Variants in DCAF10 observed in about 807,000 individuals in gnomAD.
The protein encoded by DCAF10 is DDB1 and CUL4 associated factor 10.
Under a neutral mutation model 51.9 loss-of-function variants are expected in DCAF10, and 19 were observed. That is an observed-to-expected ratio of 0.37 (90% CI 0.26 to 0.54). The LOEUF is 0.54. DCAF10 is among the 20% of genes least tolerant of loss of function. The pLI, the probability that DCAF10 is intolerant of heterozygous loss-of-function variation, is 0.87. For missense variants in DCAF10, 510 were observed against 730.6 expected (o/e 0.70, Z 3.48); for synonymous variants, 291 against 297.1 (o/e 0.98, Z 0.21).
chr9:37,861,679 C>T lies in DCAF10; in HGVS notation c.*171C>T. ...TAGTACTTGGTCATCCAGCATCATACAGGCATCTCCAAGTTAGACTCTATG... is the reference window on the plus strand; with the variant it reads ...TAGTACTTGGTCATCCAGCATCATATAGGCATCTCCAAGTTAGACTCTATG... On this transcript the variant is annotated 3_prime_UTR_variant, in exon 7 of 7. Coordinates refer to ENST00000377724, the MANE Select transcript of DCAF10 (RefSeq NM_024345.5). This position sits in a 1 kb window ranked among gnomAD's most constrained non-coding sequence, Gnocchi z 4.9. The T allele has an allele frequency of 1.2e-6, 1 of 858,214 alleles. No individual in the cohort carries two copies. The highest frequency in any genetic ancestry group is 1.7e-6 in the Non-Finnish European group (1 of 577,242). The allele number at this position is 858,214 out of a possible 1,614,324, so 53.2% of individuals were successfully genotyped here. A position where few individuals can be genotyped will look rare whatever the true frequency, so the allele number is the denominator to read the frequency against.
intron 3 of DCAF10, among the ~76,000 whole-genome samples, chr9:37,847,883 T>C (rs1830525040): frequency 6.6e-6 from 1 of 152,126 alleles, no homozygotes; most frequent in African/African-American, 2.4e-5. Flanking sequence ...GAAAATAATT[T>C]AATTCACAAT....
intron 3 of DCAF10, among the ~76,000 whole-genome samples, chr9:37,853,762 T>C (rs1830764212): frequency 6.6e-6 from 1 of 151,938 alleles, no homozygotes; most frequent in Non-Finnish European, 1.5e-5. Flanking sequence ...AGAGACAGGG[T>C]CTTGCTATGT....
chr9:37,848,231 A>C (rs1220044853), intron 3 of DCAF10, among the ~76,000 whole-genome samples: 1 of 152,242 alleles, frequency 6.6e-6, no homozygotes, highest in African/African-American at 2.4e-5. Context: ...TATCTATTCA[A>C]GAGAAATGAA....
chr9:37,802,115 T>C (rs992500068), intron 1 of DCAF10, among the ~76,000 whole-genome samples: 1 of 152,180 alleles, frequency 6.6e-6, no homozygotes, highest in African/African-American at 2.4e-5. Context: ...ACATAGTTAA[T>C]GTAATTCTTA....
At chr9:37,841,856 T>G (rs1830345992) in intron 2 of DCAF10, among the ~76,000 whole-genome samples, 1 of 152,204 alleles carries the variant, frequency 6.6e-6, no homozygotes. Context: ...AATCAGTAAT[T>G]TAAAGCAAAT....
chr9:37,834,719 A>G (rs1830100961), intron 2 of DCAF10, among the ~76,000 whole-genome samples: 2 of 152,140 alleles, frequency 1.3e-5, no homozygotes, highest in African/African-American at 4.8e-5. Context: ...GAATATGCTC[A>G]ATTTATTTTA....
intron 3 of DCAF10, among the ~76,000 whole-genome samples, chr9:37,850,854 ATATATATATATATATATATATATATAT>A (rs1830622749): frequency 9.4e-6 from 1 of 106,136 alleles, no homozygotes; most frequent in Non-Finnish European, 1.8e-5. Context: ...ATATATATAT[ATATATATATATATATATATATATATAT>A]AAATTAGCTT....
chr9:37,800,770 G>A (rs1288285796), upstream of DCAF10: 2 of 1,527,182 alleles, frequency 1.3e-6, no homozygotes, highest in East Asian at 2.5e-5. Flanking sequence ...AGCCGGTGGG[G>A]TTAGGCCGCT....
chr9:37,808,429 ATATATAT>A (rs979823415), intron 1 of DCAF10, among the ~76,000 whole-genome samples: 3 of 138,940 alleles, frequency 2.2e-5, no homozygotes, highest in African/African-American at 8.1e-5. Context: ...CAAGAAAAAT[ATATATAT>A]TATATTATGT....
At chr9:37,802,607 A>G (rs1395395054) in intron 1 of DCAF10, among the ~76,000 whole-genome samples, 3 of 152,190 alleles carry the variant, frequency 2.0e-5, no homozygotes, top group African/African-American at 7.2e-5. Flanking sequence ...TTGCTAAGGA[A>G]GGAGCAAAGG....
chr9:37,811,971 G>A (rs1422636418), intron 1 of DCAF10, among the ~76,000 whole-genome samples: 1 of 152,154 alleles, frequency 6.6e-6, no homozygotes, highest in Non-Finnish European at 1.5e-5. Context: ...TGGATCTCTT[G>A]AGCTCAGGAG....
chr9:37,800,844 A>G lies in DCAF10; in HGVS notation c.-23A>G, dbSNP rs1828896492. ...GTCGGCCGGCGGGGCAGTGGCCCGG[A>G]GCGGGGGGCGGGGGCGTTGATCATG... On this transcript the variant is annotated 5_prime_UTR_variant, in exon 1 of 7. Coordinates refer to ENST00000377724, the MANE Select transcript of DCAF10 (RefSeq NM_024345.5). 6.7e-7 allele frequency: 1 copy of G among 1,485,702 alleles called. No homozygotes were observed. Among genetic ancestry groups the G allele is most frequent in the South Asian group, 1.3e-5 (1 of 75,188 alleles). 92.0% of individuals were successfully genotyped at this position (1,485,702 alleles called of 1,614,324 possible).
At chr9:37,807,492 T>C (rs1182782243) in intron 1 of DCAF10, among the ~76,000 whole-genome samples, 4 of 152,108 alleles carry the variant, frequency 2.6e-5, no homozygotes, top group Non-Finnish European at 5.9e-5. Context: ...TTTCCAAAAA[T>C]TAATAAATGA....
intron 2 of DCAF10, among the ~76,000 whole-genome samples, chr9:37,823,084 A>C (rs913219990): frequency 2.6e-5 from 4 of 152,244 alleles, no homozygotes; most frequent in Admixed American, 2.6e-4. Context: ...ATAGCACTTA[A>C]AATTCACACA....
intron 3 of DCAF10, among the ~76,000 whole-genome samples, chr9:37,843,720 A>C (rs1830398352): frequency 6.6e-6 from 1 of 152,238 alleles, no homozygotes; most frequent in Non-Finnish European, 1.5e-5. Flanking sequence ...TACAAAATAA[A>C]TTTCCTTAAT....
chr9:37,823,311 A>T (rs1037590388), intron 2 of DCAF10, among the ~76,000 whole-genome samples: 1 of 152,230 alleles, frequency 6.6e-6, no homozygotes, highest in Non-Finnish European at 1.5e-5. Context: ...GCATCTAGAC[A>T]GGTTGTGGTG....
At chr9:37,814,495 A>G (rs28529078) in intron 1 of DCAF10, among the ~76,000 whole-genome samples, 28,776 of 150,532 alleles carry the variant, frequency 0.19, 3,139 homozygotes, top group African/African-American at 0.29. Context: ...TGCCAGGCTG[A>G]TCTCAAATTC....
At chr9:37,825,162 C>G (rs1051128390) in intron 2 of DCAF10, among the ~76,000 whole-genome samples, 2 of 152,118 alleles carry the variant, frequency 1.3e-5, no homozygotes, top group Admixed American at 1.3e-4. Flanking sequence ...ATTAGTTCAG[C>G]CATTGTGGAA....
rs1831023943 is a variant in DCAF10, at chr9:37,861,723, C to G, written c.*215C>G. On this transcript the variant is annotated 3_prime_UTR_variant, in exon 7 of 7. Coordinates refer to ENST00000377724, the MANE Select transcript of DCAF10 (RefSeq NM_024345.5). This position sits in a 1 kb window ranked among gnomAD's most constrained non-coding sequence, Gnocchi z 4.9. ...CTCTATGCAGCATCATCTTTTGCAGCATTCCTCTGCTCCTGCTGATCTGTG... is the reference window on the plus strand; with the variant it reads ...CTCTATGCAGCATCATCTTTTGCAGGATTCCTCTGCTCCTGCTGATCTGTG... 1.8e-6 allele frequency: 1 copy of G among 557,258 alleles called. No individual in the cohort carries two copies. Among genetic ancestry groups the G allele is most frequent in the Non-Finnish European group, 3.0e-6 (1 of 329,258 alleles). The allele number at this position is 557,258 out of a possible 1,614,324, so 34.5% of individuals were successfully genotyped here.
Sources: allele counts gnomAD v4.1 joint callset (sites outside exome capture counted in the v4.1 genomes callset), GRCh38; gene constraint gnomAD v4.1.1; non-coding constraint Gnocchi (gnomAD v3.1); transcripts MANE v1.5; gene names NCBI Gene and HGNC (gene_info 2026-07-23, HGNC 2026-07-21).